RIMS1: variants seen among roughly 807,000 people sequenced by gnomAD.
The protein encoded by RIMS1 is regulating synaptic membrane exocytosis 1, also known as regulating synaptic membrane exocytosis protein 1.
In RIMS1, 83 loss-of-function variants were observed where a neutral mutation model predicts 214.1. That is an observed-to-expected ratio of 0.39 (90% confidence interval 0.32 to 0.47). The LOEUF (loss-of-function observed/expected upper bound fraction) is 0.47, where lower values mean the gene tolerates loss of function less well. Among genes scored for constraint, RIMS1 ranks in the 20% least tolerant of loss-of-function variants. The pLI is 0.99. For missense variants in RIMS1, 2,050 were observed against 2,161.8 expected (o/e 0.95, Z 1.03); for synonymous variants, 793 against 786.8 (o/e 1.01, Z -0.13).
intron 2 of RIMS1, among the ~76,000 whole-genome samples, chr6:72,094,324 T>A (rs1562296656): frequency 6.6e-6 from 1 of 152,080 alleles, no homozygotes; most frequent in Non-Finnish European, 1.5e-5. Context: ...GGTCTATGAG[T>A]GACCCAAATG....
At chr6:72,376,245 A>G (rs1266319504) in intron 29 of RIMS1, among the ~76,000 whole-genome samples, 1 of 152,138 alleles carries the variant, frequency 6.6e-6, no homozygotes, top group Non-Finnish European at 1.5e-5. Context: ...TAGTCTGTGA[A>G]GTGTAAGTTT....
rs765899178 is a variant in RIMS1 at position 71,903,821 on chromosome 6, A to C, written c.164+16634A>C. ...GCATGCATATTAAGTCTGCACTAGA[A>C]ATAGACTAAGTTTTGAGTTTCCATG... On this transcript the variant is annotated intron_variant, in intron 1 of 33. Coordinates refer to ENST00000521978, the MANE Select transcript of RIMS1 (RefSeq NM_014989.7). Among the ~76,000 whole-genome samples the C allele has an allele frequency of 1.9e-4, 29 of 152,072 alleles. 1 individual carries two copies. The highest frequency in any genetic ancestry group is 1.3e-4 in the Admixed American group (2 of 15,252).
At chr6:71,892,494 G>A (rs1025688331) in intron 1 of RIMS1, among the ~76,000 whole-genome samples, 1 of 152,032 alleles carries the variant, frequency 6.6e-6, no homozygotes, top group Non-Finnish European at 1.5e-5. Context: ...TTTTCTGAGG[G>A]TGGACTCTCC....
chr6:72,316,879 G>A (rs774708191), intron 28 of RIMS1: 1 of 1,017,462 alleles, frequency 9.8e-7, no homozygotes, highest in Non-Finnish European at 1.5e-6. Context: ...TGCCCCCAGG[G>A]GGAGGCCCTG....
chr6:72,174,978 T>A (rs539970075), intron 4 of RIMS1, among the ~76,000 whole-genome samples: 64 of 145,366 alleles, frequency 4.4e-4, no homozygotes, highest in Middle Eastern at 3.4e-3. Flanking sequence ...CCCACCCACA[T>A]ACACATTCAC....
At chr6:71,929,962 T>C (rs572099795) in intron 1 of RIMS1, among the ~76,000 whole-genome samples, 2 of 152,178 alleles carry the variant, frequency 1.3e-5, no homozygotes, top group East Asian at 3.9e-4. Flanking sequence ...TAATGAGTAA[T>C]ATTTTAATGG....
At chr6:72,040,535 G>C (rs1024564220) in intron 2 of RIMS1, among the ~76,000 whole-genome samples, 3 of 151,960 alleles carry the variant, frequency 2.0e-5, no homozygotes, top group African/African-American at 7.2e-5. Flanking sequence ...ATTTGGGCTA[G>C]TATATTTGGG....
intron 24 of RIMS1, among the ~76,000 whole-genome samples, chr6:72,285,833 C>T (rs2092113642): frequency 6.6e-6 from 1 of 152,168 alleles, no homozygotes; most frequent in African/African-American, 2.4e-5. Flanking sequence ...ATTATTTTGA[C>T]ATGATTAAAC....
At chr6:72,137,982 C>T (rs1196155284) in intron 4 of RIMS1, among the ~76,000 whole-genome samples, 3 of 152,170 alleles carry the variant, frequency 2.0e-5, no homozygotes, top group African/African-American at 4.8e-5. Context: ...GTGATCCACC[C>T]GCCTTGGCCT....
chr6:72,315,315 A>G (rs1476067442), intron 28 of RIMS1, among the ~76,000 whole-genome samples: 3 of 152,218 alleles, frequency 2.0e-5, no homozygotes, highest in Admixed American at 1.3e-4. Context: ...AAAAGAGTAT[A>G]AATAAACTTC....
chr6:72,142,049 G>A (rs756103765), intron 4 of RIMS1, among the ~76,000 whole-genome samples: 2 of 151,914 alleles, frequency 1.3e-5, no homozygotes, highest in African/African-American at 4.8e-5. Flanking sequence ...TTAGTTGCTA[G>A]TGGGTCTTTT....
chr6:72,340,939 T>C (rs1404832118), intron 29 of RIMS1, among the ~76,000 whole-genome samples: 1 of 152,140 alleles, frequency 6.6e-6, no homozygotes, highest in Non-Finnish European at 1.5e-5. Flanking sequence ...TCCATTTGTT[T>C]GTATCCTCTT....
At chr6:72,011,329 C>G (rs1313414792) in intron 2 of RIMS1, among the ~76,000 whole-genome samples, 1 of 152,142 alleles carries the variant, frequency 6.6e-6, no homozygotes, top group Non-Finnish European at 1.5e-5. Context: ...AAAATTAATT[C>G]AAGATAGATT....
At chr6:71,945,301 C>G (rs918891069) in intron 1 of RIMS1, among the ~76,000 whole-genome samples, 4 of 152,058 alleles carry the variant, frequency 2.6e-5, no homozygotes, top group Admixed American at 6.6e-5. Context: ...GGTTGCAGCT[C>G]TCAGTAAAGG....
rs1444877715 is a variant in RIMS1 at position 72,182,639 on chromosome 6, C to T, written c.1168C>T (p.His390Tyr). 3 of 1,538,280 alleles carry T rather than the reference C, an allele frequency of 2.0e-6. No homozygotes were observed. Among genetic ancestry groups the T allele is most frequent in the Non-Finnish European group, 2.6e-6 (3 of 1,141,626 alleles). ...RVSRARHERR[H>Y]SDVALPRTEA... ...GTCCCGCGCCAGGCACGAGCGGCGC[C>T]ACAGCGACGTGGCGCTCCCGCGCAC... is the stretch of plus-strand genomic sequence containing the variant. The change falls in exon 6 of 34, where the codon CAC (histidine) becomes TAC (tyrosine). Residue 390 changes from histidine (H) to tyrosine (Y), a missense_variant. Coordinates refer to ENST00000521978, the MANE Select transcript of RIMS1 (RefSeq NM_014989.7).
intron 2 of RIMS1, among the ~76,000 whole-genome samples, chr6:72,050,457 C>CA (rs1276899560): frequency 2.0e-5 from 3 of 152,158 alleles, no homozygotes; most frequent in Admixed American, 6.5e-5. Context: ...ATTTCAGACT[C>CA]ACATTTAATC....
chr6:72,161,638 G>A (rs560438031), intron 4 of RIMS1, among the ~76,000 whole-genome samples: 30 of 139,250 alleles, frequency 2.2e-4, no homozygotes, highest in African/African-American at 7.2e-4. Flanking sequence ...CCTTCATTTC[G>A]TTATGTCCCC....
intron 2 of RIMS1, among the ~76,000 whole-genome samples, chr6:72,092,362 A>T (rs1158633161): frequency 3.4e-5 from 5 of 145,066 alleles, no homozygotes; most frequent in Non-Finnish European, 7.6e-5. Context: ...GCAGGAAATA[A>T]GTTGGAGAAG....
In RIMS1 at chr6:72,065,987, A is replaced by T. The variant is rs187200100; in HGVS notation, c.246-30962A>T. On this transcript the variant is annotated intron_variant, in intron 2 of 33. Transcript: ENST00000521978. The stretch of plus-strand genomic sequence containing the variant: ...CCAACTGAATTTATATTGTTTTGGG[A>T]ATACTCCAAGATTAAGTACAGGAAC... Among the ~76,000 whole-genome samples, 212 of 151,558 alleles carry T rather than the reference A, an allele frequency of 1.4e-3. 1 individual carries two copies. Among genetic ancestry groups the T allele is most frequent in the African/African-American group, 4.9e-3 (202 of 41,318 alleles).
Sources: allele counts gnomAD v4.1 joint callset (sites outside exome capture counted in the v4.1 genomes callset), GRCh38; gene constraint gnomAD v4.1.1; transcripts MANE v1.5; gene names NCBI Gene and HGNC (gene_info 2026-07-23, HGNC 2026-07-21).